The following TNNI3K variants were observed in gnomAD, a reference collection of about 807,000 sequenced individuals.
TNNI3K encodes the protein serine/threonine-protein kinase TNNI3K.
A neutral mutation model predicts 114.5 loss-of-function variants in TNNI3K; 140 were observed. The observed-to-expected ratio is 1.22, with a 90% CI of 1.07 to 1.41. The LOEUF is 1.41. TNNI3K is among the 40% of genes most tolerant of loss of function. TNNI3K has a pLI of 0.00. For synonymous variants in TNNI3K, 347 were observed against 347.5 expected (o/e 1.00, Z 0.02); for missense variants, 1,125 against 1,007.6 (o/e 1.12, Z -1.58).
At position 74,417,450 on chromosome 1, in the gene TNNI3K, A is replaced by G. The variant is rs866558499; in HGVS notation, c.1773-18630A>G. Among the ~76,000 whole-genome samples the G allele has an allele frequency of 7.2e-5, 11 of 152,154 alleles. No homozygotes were observed. The South Asian group carries it at 2.1e-3, about 29-fold the overall frequency. On this transcript the variant is annotated intron_variant, in intron 17 of 24. Transcript: ENST00000326637. ...TTGGCCTGGCCAAAACTTACTTAGA[A>G]ATGTGCTGCGTTCTGAAATTTTTCT...
chr1:74,497,752 A>C (rs1229109549), intron 23 of TNNI3K, among the ~76,000 whole-genome samples: 13 of 152,046 alleles, frequency 8.6e-5, no homozygotes, highest in Non-Finnish European at 1.9e-4. Flanking sequence ...TACCATCATA[A>C]TTTTTATTAT....
chr1:74,380,065 A>G (rs188868536), intron 17 of TNNI3K, among the ~76,000 whole-genome samples: 80 of 152,210 alleles, frequency 5.3e-4, no homozygotes, highest in Non-Finnish European at 9.6e-4. Flanking sequence ...TCCCCACACT[A>G]TCATATTGCT....
At chr1:74,242,050 T>C (rs972920705) in intron 2 of TNNI3K, among the ~76,000 whole-genome samples, 8 of 151,734 alleles carry the variant, frequency 5.3e-5, no homozygotes, top group East Asian at 3.9e-4. Context: ...GGGGTTTCAC[T>C]GTGTTAGCCA....
chr1:74,485,296 G>C (rs538181283), intron 21 of TNNI3K, among the ~76,000 whole-genome samples: 1 of 152,316 alleles, frequency 6.6e-6, no homozygotes, highest in African/African-American at 2.4e-5. Flanking sequence ...TCCAGTCTGA[G>C]AAAACAGTAA....
intron 21 of TNNI3K, among the ~76,000 whole-genome samples, chr1:74,472,910 T>C (rs1328974471): frequency 6.6e-6 from 1 of 152,078 alleles, no homozygotes; most frequent in Non-Finnish European, 1.5e-5. Flanking sequence ...CAAATTCCTC[T>C]TCATGTTACA....
At chr1:74,329,618 A>G (rs1660091870) in intron 5 of TNNI3K, among the ~76,000 whole-genome samples, 1 of 152,090 alleles carries the variant, frequency 6.6e-6, no homozygotes, top group South Asian at 2.1e-4. Flanking sequence ...TGCTCAATAA[A>G]TTGTGTTTAA....
At chr1:74,309,438 TCCTC>T (rs1050460281) in intron 5 of TNNI3K, among the ~76,000 whole-genome samples, 2 of 150,044 alleles carry the variant, frequency 1.3e-5, no homozygotes, top group Admixed American at 6.6e-5. Context: ...GAGGAGTAAT[TCCTC>T]CCTAACTCAT....
intron 23 of TNNI3K, among the ~76,000 whole-genome samples, chr1:74,533,566 A>G (rs1485521097): frequency 6.6e-6 from 1 of 152,222 alleles, no homozygotes; most frequent in Admixed American, 6.5e-5. Flanking sequence ...TACTGGGTAT[A>G]TACCCAAAGG....
chr1:74,489,303 C>T, intron 22 of TNNI3K, 55 bp downstream of exon 22: 1 of 1,566,340 alleles, frequency 6.4e-7, no homozygotes, highest in Non-Finnish European at 8.7e-7. Context: ...ATATCCAAGG[C>T]TGTCAGGGAA....
chr1:74,254,844 G>C (rs1335324957), intron 4 of TNNI3K, among the ~76,000 whole-genome samples: 2 of 152,216 alleles, frequency 1.3e-5, no homozygotes, highest in African/African-American at 4.8e-5. Flanking sequence ...GTTCCTGAAA[G>C]TAAGAGGAGG....
intron 17 of TNNI3K, among the ~76,000 whole-genome samples, chr1:74,388,930 C>T (rs1292341358): frequency 6.6e-6 from 1 of 152,194 alleles, no homozygotes; most frequent in African/African-American, 2.4e-5. Flanking sequence ...TTCTTGTGCA[C>T]CATCTGTGAC....
intron 24 of TNNI3K, 139 bp from the exon 25 acceptor site, chr1:74,543,767 C>T (rs1317415274): frequency 4.6e-6 from 4 of 868,374 alleles, no homozygotes; most frequent in Non-Finnish European, 7.4e-6. Context: ...TTGTGCTTTG[C>T]AACTACTCAC....
At chr1:74,301,976 G>A (rs368255878) in intron 5 of TNNI3K, among the ~76,000 whole-genome samples, 5 of 152,162 alleles carry the variant, frequency 3.3e-5, no homozygotes, top group African/African-American at 4.8e-5. Flanking sequence ...AACTTCCATA[G>A]CATACCTTGT....
At chr1:74,413,024 A>G (rs1047566037) in intron 17 of TNNI3K, among the ~76,000 whole-genome samples, 4 of 152,236 alleles carry the variant, frequency 2.6e-5, no homozygotes, top group African/African-American at 9.6e-5. Flanking sequence ...GTGGGTAGAA[A>G]AGAATACAAA....
chr1:74,325,181 T>C (rs1659831224), intron 5 of TNNI3K, among the ~76,000 whole-genome samples: 1 of 152,212 alleles, frequency 6.6e-6, no homozygotes, highest in Admixed American at 6.5e-5. Flanking sequence ...CAATAAATGT[T>C]ACTTACCCAC....
chr1:74,527,465 G>A (rs1368237454), intron 23 of TNNI3K, among the ~76,000 whole-genome samples: 1 of 152,218 alleles, frequency 6.6e-6, no homozygotes, highest in Non-Finnish European at 1.5e-5. Context: ...GCCGTAAGGA[G>A]ACTCTGAGAA....
At chr1:74,449,140 C>A (rs1197597812) in intron 20 of TNNI3K, among the ~76,000 whole-genome samples, 1 of 150,232 alleles carries the variant, frequency 6.7e-6, no homozygotes, top group Non-Finnish European at 1.5e-5. Flanking sequence ...ACAATTTCAG[C>A]TCCTGTTATT....
intron 11 of TNNI3K, among the ~76,000 whole-genome samples, chr1:74,365,417 C>T (rs1662218875): frequency 6.6e-6 from 1 of 151,996 alleles, no homozygotes; most frequent in Admixed American, 6.6e-5. Flanking sequence ...ACACTCAGCC[C>T]CTACTACAGA....
chr1:74,521,717 A>G (rs1646436147), intron 23 of TNNI3K, among the ~76,000 whole-genome samples: 1 of 152,184 alleles, frequency 6.6e-6, no homozygotes, highest in Admixed American at 6.5e-5. Context: ...CATTTCAGCA[A>G]AGCGTGATAA....
Sources: allele counts gnomAD v4.1 joint callset (sites outside exome capture counted in the v4.1 genomes callset), GRCh38; gene constraint gnomAD v4.1.1; transcripts MANE v1.5; gene names NCBI Gene and HGNC (gene_info 2026-07-23, HGNC 2026-07-21).